The following DGKG variants were observed in gnomAD, a reference collection of about 807,000 sequenced individuals.
DGKG encodes DAG kinase gamma.
In DGKG, 78 loss-of-function variants were observed where a neutral mutation model predicts 105.3. That is an observed-to-expected ratio of 0.74 (90% CI 0.62 to 0.89). DGKG has a LOEUF of 0.89. Among genes scored for constraint, DGKG ranks in the 40% least tolerant of loss-of-function variants. The probability of loss-of-function intolerance (pLI) is 0.00; values close to 1 mark genes in which losing one functional copy is unlikely to be tolerated. For synonymous variants in DGKG, 346 were observed against 367.1 expected (o/e 0.94, Z 0.66); for missense variants, 958 against 1,020.1 (o/e 0.94, Z 0.83).
intron 20 of DGKG, among the ~76,000 whole-genome samples, chr3:186,234,809 A>C (rs1560107638): frequency 6.6e-6 from 1 of 152,188 alleles, no homozygotes; most frequent in African/African-American, 2.4e-5. Context: ...GATTGTTAAG[A>C]GTCAGTGTGA....
chr3:186,342,546 C>A (rs1305629191), intron 1 of DGKG, among the ~76,000 whole-genome samples: 3 of 152,206 alleles, frequency 2.0e-5, no homozygotes, highest in African/African-American at 4.8e-5. Context: ...GTCTCTCATT[C>A]TTTATTTTTT....
At chr3:186,290,003 A>T (rs539712719) in intron 5 of DGKG, among the ~76,000 whole-genome samples, 1 of 152,322 alleles carries the variant, frequency 6.6e-6, no homozygotes, top group East Asian at 1.9e-4. Flanking sequence ...ATCCAGATGG[A>T]CAATAGGAGA....
Position 186,209,141 on chromosome 3 carries a change from C to T in DGKG, c.1917+2654G>A, listed in dbSNP as rs150312569. Among the ~76,000 whole-genome samples, 138 of 131,982 alleles carry T rather than the reference C, an allele frequency of 1.0e-3. 2 individuals are homozygous for T. In the East Asian group the frequency reaches 0.02, roughly 20 times the overall value. 86.6% of individuals were successfully genotyped at this position (131,982 alleles called of 152,430 possible). On this transcript the variant is annotated intron_variant, in intron 21 of 24. Transcript: ENST00000265022. ...TAAGACGGCGTCTTTCTCTGTCTTG[C>T]GCAGGCTGGAGTGCAGTGGCACCAT...
At chr3:186,212,615 G>GA (rs58127547) in intron 20 of DGKG, among the ~76,000 whole-genome samples, 19 of 150,126 alleles carry the variant, frequency 1.3e-4, no homozygotes, top group Admixed American at 2.0e-4. Context: ...TTCCTTGAGA[G>GA]AAAAAAAAAA....
chr3:186,302,531 TACATATGTATATATATATATATATATAC>T (rs1724013963), intron 3 of DGKG, among the ~76,000 whole-genome samples: 3 of 38,012 alleles, frequency 7.9e-5, no homozygotes, highest in Admixed American at 2.6e-4. Flanking sequence ...TATATATATA[TACATATGTATATATATATATATATATAC>T]ACATATGTAT....
chr3:186,206,684 GA>G lies in DGKG; in HGVS notation c.1917+5110del, dbSNP rs527937322. 1.3e-3 allele frequency among the ~76,000 whole-genome samples: 194 copies of G among 152,288 alleles called. 1 individual carries two copies. The highest frequency in any genetic ancestry group is 4.0e-3 in the African/African-American group (166 of 41,550). On this transcript the variant is annotated intron_variant, in intron 21 of 24. Transcript: ENST00000265022. ...GAGATGTCAGAGAGGAGTACCCTGA[GA>G]GACTGCCTTAGACCAGGGATGGTGA...
chr3:186,229,997 C>T (rs998752681), intron 20 of DGKG, among the ~76,000 whole-genome samples: 2 of 152,182 alleles, frequency 1.3e-5, no homozygotes, highest in African/African-American at 2.4e-5. Flanking sequence ...CGGTGGCTCA[C>T]GCCTGTAATC....
intron 2 of DGKG, among the ~76,000 whole-genome samples, chr3:186,308,694 T>C (rs1272767266): frequency 2.0e-5 from 3 of 152,202 alleles, no homozygotes; most frequent in African/African-American, 2.4e-5. Context: ...AAAACAGATG[T>C]TGAAAAACTA....
At chr3:186,271,046 A>T (rs1179964390) in intron 11 of DGKG, among the ~76,000 whole-genome samples, 1 of 152,202 alleles carries the variant, frequency 6.6e-6, no homozygotes, top group Non-Finnish European at 1.5e-5. Context: ...TCCATGGGGC[A>T]TGCACACAAA....
intron 3 of DGKG, 28 bp from the exon 4 acceptor site, chr3:186,298,257 G>T: frequency 6.4e-7 from 1 of 1,553,998 alleles, no homozygotes; most frequent in Non-Finnish European, 8.7e-7. Flanking sequence ...GGCAAAGTCA[G>T]TGGAGAGAAG....
chr3:186,171,722 C>G (rs1716827016), intron 22 of DGKG, among the ~76,000 whole-genome samples: 1 of 152,208 alleles, frequency 6.6e-6, no homozygotes, highest in Non-Finnish European at 1.5e-5. Flanking sequence ...TGTACTTGCC[C>G]AGATTGTACT....
chr3:186,176,353 A>C (rs1480493396), intron 22 of DGKG, among the ~76,000 whole-genome samples: 1 of 152,204 alleles, frequency 6.6e-6, no homozygotes. Context: ...AGAGATCTGC[A>C]CTGGCCAAAC....
At chr3:186,275,965 TA>T (rs1722564627) in intron 9 of DGKG, among the ~76,000 whole-genome samples, 1 of 149,816 alleles carries the variant, frequency 6.7e-6, no homozygotes, top group Non-Finnish European at 1.5e-5. Context: ...TCTATCTATC[TA>T]TCTATCTATC....
At chr3:186,249,709 T>A (rs4686416) in intron 19 of DGKG, among the ~76,000 whole-genome samples, 138,606 of 152,014 alleles carry the variant, frequency 0.91, 63,886 homozygotes, top group East Asian at 1. Context: ...GGATGTGGTA[T>A]TGCACGCTTG....
At chr3:186,224,520 G>A (rs939311797) in intron 20 of DGKG, among the ~76,000 whole-genome samples, 11 of 152,146 alleles carry the variant, frequency 7.2e-5, no homozygotes, top group African/African-American at 2.7e-4. Flanking sequence ...CGAATGCAGG[G>A]GCTTTCACCA....
intron 22 of DGKG, among the ~76,000 whole-genome samples, chr3:186,185,070 G>T (rs1015501747): frequency 6.6e-6 from 1 of 152,162 alleles, no homozygotes; most frequent in Non-Finnish European, 1.5e-5. Flanking sequence ...GACCCAAGAA[G>T]GGGAAAGGAC....
intron 5 of DGKG, among the ~76,000 whole-genome samples, chr3:186,296,201 C>G (rs1723555495): frequency 6.6e-6 from 1 of 152,134 alleles, no homozygotes; most frequent in South Asian, 2.1e-4. Context: ...TTACTGTGTG[C>G]CAGGCACTGT....
At chr3:186,283,906 C>A (rs1174370835) in intron 7 of DGKG, among the ~76,000 whole-genome samples, 1 of 152,138 alleles carries the variant, frequency 6.6e-6, no homozygotes, top group Non-Finnish European at 1.5e-5. Flanking sequence ...TGACTCAGCC[C>A]CATGCATCTC....
intron 20 of DGKG, among the ~76,000 whole-genome samples, chr3:186,233,423 C>T (rs1202774849): frequency 1.3e-5 from 2 of 152,206 alleles, no homozygotes; most frequent in African/African-American, 4.8e-5. Flanking sequence ...AGCCCGGTGA[C>T]ACCTATTTCA....
Sources: allele counts gnomAD v4.1 joint callset (sites outside exome capture counted in the v4.1 genomes callset), GRCh38; gene constraint gnomAD v4.1.1; transcripts MANE v1.5; gene names NCBI Gene and HGNC (gene_info 2026-07-23, HGNC 2026-07-21).